Variants in ZNF236 observed in about 807,000 individuals in gnomAD.
ZNF236 encodes zinc finger protein 236.
In ZNF236, 50 loss-of-function variants were observed where a neutral mutation model predicts 191.2. That is an observed-to-expected ratio of 0.26 (90% CI 0.21 to 0.33). The LOEUF is 0.33. Ranked by LOEUF, ZNF236 falls within the 10% of genes least tolerant of loss-of-function variation. The pLI, the probability that ZNF236 is intolerant of heterozygous loss-of-function variation, is 1.00. For missense variants in ZNF236, 1,754 were observed against 2,374.5 expected, an observed-to-expected ratio of 0.74 and a Z score of 5.43; for synonymous variants, 907 against 928.8, an observed-to-expected ratio of 0.98 and a Z score of 0.43.
intron 20 of ZNF236, among the ~76,000 whole-genome samples, 188 bp downstream of exon 20, chr18:76,920,246 A>C (rs1967496266): frequency 6.6e-6 from 1 of 152,202 alleles, no homozygotes; most frequent in Admixed American, 6.5e-5. Context: ...AAACTCATTC[A>C]GAATATTAAT....
chr18:76,855,451 T>C lies in ZNF236; in HGVS notation c.363+3512T>C, dbSNP rs141608453. Among the ~76,000 whole-genome samples, 421 of 152,326 alleles carry C rather than the reference T, an allele frequency of 2.8e-3. 1 individual carries two copies. The highest frequency in any genetic ancestry group is 0.017 in the Middle Eastern group (5 of 294). ...GGGACATTCTATGCCTATACACATC[T>C]CCTCTGTACCCTTATTAGTCAACCC... is the stretch of plus-strand genomic sequence containing the variant. On this transcript the variant is annotated intron_variant, in intron 3 of 30. Transcript: ENST00000320610.
At chr18:76,860,808 G>A (rs2122560592) in intron 3 of ZNF236, among the ~76,000 whole-genome samples, 1 of 152,280 alleles carries the variant, frequency 6.6e-6, no homozygotes, top group South Asian at 2.1e-4. Flanking sequence ...GAAATCGCTT[G>A]ACTTTACATT....
intron 1 of ZNF236, among the ~76,000 whole-genome samples, chr18:76,843,427 C>T (rs1397900100): frequency 5.9e-5 from 9 of 152,228 alleles, no homozygotes; most frequent in East Asian, 1.9e-4. Flanking sequence ...AAAACCTGAA[C>T]GCTGACAAAT....
chr18:76,917,029 A>G (rs1345862585), intron 19 of ZNF236, among the ~76,000 whole-genome samples: 1 of 152,160 alleles, frequency 6.6e-6, no homozygotes, highest in East Asian at 1.9e-4. Flanking sequence ...AAGTCTGTAA[A>G]ACTTGCCTAA....
intron 3 of ZNF236, among the ~76,000 whole-genome samples, chr18:76,864,661 C>T (rs1326559878): frequency 6.7e-6 from 1 of 150,028 alleles, no homozygotes; most frequent in Non-Finnish European, 1.5e-5. Flanking sequence ...ATGGTCGAAG[C>T]AGAAATTATC....
At position 76,908,429 on chromosome 18, in the gene ZNF236, G is replaced by A. The variant is rs373428289; in HGVS notation, c.2407G>A (p.Glu803Lys). 3 of 1,613,546 alleles carry A rather than the reference G, an allele frequency of 1.9e-6. No homozygotes were observed. Among genetic ancestry groups the A allele is most frequent in the South Asian group, 1.1e-5 (1 of 91,050 alleles). The change falls in exon 14 of 31, where the codon GAG becomes AAG. Residue 803 changes from glutamate (E) to lysine (K), a missense_variant. Transcript: ENST00000320610. ...CTCCACTCAAATGCAGGTGGAGATC[G>A]AGAGCGACGAGCTGCCGCAGACGGC... is the stretch of plus-strand genomic sequence containing the variant. ...QASTQMQVEI[E>K]SDELPQTAEV...
chr18:76,858,584 T>C (rs1976117315), intron 3 of ZNF236, among the ~76,000 whole-genome samples: 1 of 152,172 alleles, frequency 6.6e-6, no homozygotes, highest in African/African-American at 2.4e-5. Context: ...TTTGAACAGA[T>C]GAGATACTTC....
intron 1 of ZNF236, among the ~76,000 whole-genome samples, chr18:76,837,602 G>A (rs1975375104): frequency 6.6e-6 from 1 of 151,726 alleles, no homozygotes; most frequent in African/African-American, 2.4e-5. Context: ...CACCACGCCT[G>A]GCTAATTTTT....
intron 19 of ZNF236, among the ~76,000 whole-genome samples, chr18:76,916,138 G>C (rs1021569192): frequency 1.3e-5 from 2 of 152,112 alleles, no homozygotes; most frequent in African/African-American, 4.8e-5. Context: ...GCTTGGGCGC[G>C]CATGTTGCTA....
chr18:76,832,004 T>C lies in ZNF236; in HGVS notation c.55+9342T>C, dbSNP rs183909828. 3.3e-5 allele frequency among the ~76,000 whole-genome samples: 5 copies of C among 152,362 alleles called. No individual in the cohort carries two copies. In the East Asian group the frequency reaches 9.6e-4, roughly 29 times the overall value. ...CAATTTGTCAGTCCTTTAGTACTTTTCGGATCTATTTAAATAATATTTGAA... is the reference window on the plus strand; with the variant it reads ...CAATTTGTCAGTCCTTTAGTACTTTCCGGATCTATTTAAATAATATTTGAA... On this transcript the variant is annotated intron_variant, in intron 1 of 30. Transcript: ENST00000320610.
chr18:76,929,984 C>G (rs992738056), intron 25 of ZNF236, among the ~76,000 whole-genome samples: 2 of 152,172 alleles, frequency 1.3e-5, no homozygotes. Flanking sequence ...AAAGGTTACA[C>G]GTTGAGTGAA....
Position 76,960,883 on chromosome 18 carries a change from G to C in ZNF236, c.5419+28G>C. ...GAGAATGCTGCACCCGGGAGTGCGT[G>C]CTGTTCGGTGGCCTGCGAGGCACCC... On this transcript the variant is annotated intron_variant, in intron 30 of 30. Coordinates refer to ENST00000320610, the MANE Select transcript of ZNF236 (RefSeq NM_001306089.2). This position sits in a 1 kb window ranked among gnomAD's most constrained non-coding sequence, Gnocchi z 4.4. The C allele has an allele frequency of 6.3e-7, 1 of 1,591,680 alleles. No homozygotes were observed.
At chr18:76,872,274 A>G (rs1976602041) in intron 5 of ZNF236, among the ~76,000 whole-genome samples, 1 of 152,178 alleles carries the variant, frequency 6.6e-6, no homozygotes, top group African/African-American at 2.4e-5. Context: ...TCAAGCCAGG[A>G]GTTCAAGACT....
At chr18:76,934,140 T>C (rs1967932447) in intron 25 of ZNF236, among the ~76,000 whole-genome samples, 3 of 152,362 alleles carry the variant, frequency 2.0e-5, no homozygotes, top group South Asian at 4.1e-4. Context: ...CTAGGTTAAC[T>C]CTGGCTGTTT....
chr18:76,938,492 G>C (rs1384829041), intron 26 of ZNF236, among the ~76,000 whole-genome samples: 1 of 152,188 alleles, frequency 6.6e-6, no homozygotes, highest in Non-Finnish European at 1.5e-5. Context: ...GGCATCTAGA[G>C]CAGGATTGGC....
chr18:76,888,282 G>A (rs1977120077), intron 9 of ZNF236: 1 of 152,324 alleles, frequency 6.6e-6, no homozygotes, highest in Non-Finnish European at 1.5e-5. Context: ...AGAATGGCAT[G>A]AACCCGGGAG....
chr18:76,921,502 C>A (rs2122811219), intron 20 of ZNF236, among the ~76,000 whole-genome samples: 1 of 152,212 alleles, frequency 6.6e-6, no homozygotes, highest in East Asian at 1.9e-4. Context: ...TGGAGGAACT[C>A]ATGAACTAAC....
rs1026156544 is a variant in ZNF236, at chr18:76,927,531, A to G, written c.4414+14A>G. 3.8e-6 allele frequency: 6 copies of G among 1,596,372 alleles called. No individual in the cohort carries two copies. The Admixed American group carries it at 5.2e-5, about 14-fold the overall frequency. ...CTAACAGCAGTGGTAAGAGCCACTC[A>G]CTTTTGCTTATTTTGACAGCTGGAG... On this transcript the variant is annotated intron_variant, in intron 24 of 30. Transcript: ENST00000320610. The surrounding 1 kb of genome is among the most constrained non-coding windows in gnomAD (Gnocchi z 5.4).
chr18:76,960,471 C>T lies in ZNF236; in HGVS notation c.5243-208C>T, dbSNP rs537034648. ...CCCTTCCATGGCTCTCTGATCCCTC[C>T]GCCCCATCTGCTGGGGGTCGTTAGG... is the stretch of plus-strand genomic sequence containing the variant. On this transcript the variant is annotated intron_variant, in intron 29 of 30. Coordinates refer to ENST00000320610, the MANE Select transcript of ZNF236 (RefSeq NM_001306089.2). The surrounding 1 kb of genome is among the most constrained non-coding windows in gnomAD (Gnocchi z 4.4). Among the ~76,000 whole-genome samples the T allele has an allele frequency of 3.3e-5, 5 of 152,224 alleles. No homozygotes were observed. Among genetic ancestry groups the T allele is most frequent in the African/African-American group, 1.2e-4 (5 of 41,550 alleles).
Sources: allele counts gnomAD v4.1 joint callset (sites outside exome capture counted in the v4.1 genomes callset), GRCh38; gene constraint gnomAD v4.1.1; non-coding constraint Gnocchi (gnomAD v3.1); transcripts MANE v1.5; gene names NCBI Gene and HGNC (gene_info 2026-07-23, HGNC 2026-07-21).